Variants in SMIM36 observed in about 807,000 individuals in gnomAD.
SMIM36 encodes the protein small integral membrane protein 36.
intron 1 of SMIM36, among the ~76,000 whole-genome samples, chr17:55,489,980 C>A (rs1909674721): frequency 6.6e-6 from 1 of 151,938 alleles, no homozygotes; most frequent in South Asian, 2.1e-4. Flanking sequence ...TCCTGAGTGG[C>A]TGTGACTATA....
chr17:55,497,229 A>C (rs1567869607), intron 1 of SMIM36, among the ~76,000 whole-genome samples: 1 of 151,766 alleles, frequency 6.6e-6, no homozygotes, highest in Non-Finnish European at 1.5e-5. Context: ...TCTACTAAGG[A>C]TTTTTTCTTC....
chr17:55,522,519 G>T, the SMIM36 span, among the ~76,000 whole-genome samples: 4 of 152,318 alleles, frequency 2.6e-5, no homozygotes, highest in Middle Eastern at 3.4e-3. Flanking sequence ...GCAGGCAAGA[G>T]AGTTTGTGCA....
intron 1 of SMIM36, among the ~76,000 whole-genome samples, chr17:55,495,877 TAA>T (rs1909798278): frequency 6.6e-6 from 1 of 152,146 alleles, no homozygotes; most frequent in Non-Finnish European, 1.5e-5. Flanking sequence ...AGATGTAGAT[TAA>T]ATACAGAGAA....
At chr17:55,505,023 C>A in intron 1 of SMIM36, among the ~76,000 whole-genome samples, 1 of 91,458 alleles carries the variant, frequency 1.1e-5, no homozygotes, top group African/African-American at 5.4e-5. Flanking sequence ...AAGACTAAAC[C>A]AGGAAGAAGT....
chr17:55,474,439 C>A (rs1788950593), intron 3 of SMIM36, among the ~76,000 whole-genome samples: 1 of 152,164 alleles, frequency 6.6e-6, no homozygotes, highest in Non-Finnish European at 1.5e-5. Context: ...CGTGGAGGAT[C>A]AATGCAGTGG....
At chr17:55,515,207 C>T (rs1567874139), upstream of SMIM36, among the ~76,000 whole-genome samples, 1 of 137,212 alleles carries the variant, frequency 7.3e-6, no homozygotes, top group African/African-American at 2.6e-5. Context: ...ATGAACAAAA[C>T]CAAATGCTAG....
At chr17:55,470,523 C>T (rs1176789687) in intron 3 of SMIM36, among the ~76,000 whole-genome samples, 1 of 152,132 alleles carries the variant, frequency 6.6e-6, no homozygotes, top group Non-Finnish European at 1.5e-5. Context: ...TAAAACTCCC[C>T]AACTCTGGTG....
chr17:55,525,571 C>T, the SMIM36 span, among the ~76,000 whole-genome samples: 2 of 152,172 alleles, frequency 1.3e-5, no homozygotes, highest in Admixed American at 1.3e-4. Flanking sequence ...TTTTGTGTTG[C>T]ATCTTCAAAA....
intron 1 of SMIM36, among the ~76,000 whole-genome samples, chr17:55,500,415 G>A (rs1909887601): frequency 6.6e-6 from 1 of 151,982 alleles, no homozygotes; most frequent in Non-Finnish European, 1.5e-5. Context: ...ATGAGTCACT[G>A]CTCCTGGTCT....
At chr17:55,450,231 A>T (rs1187308662) in exon 5 of SMIM36, 2 of 152,180 alleles carry the variant, frequency 1.3e-5, no homozygotes, top group Non-Finnish European at 2.9e-5. Context: ...GGCAAGCAAT[A>T]GATTTTCTCC....
At chr17:55,457,708 G>T (rs1053808875) in intron 4 of SMIM36, among the ~76,000 whole-genome samples, 34 of 151,800 alleles carry the variant, frequency 2.2e-4, no homozygotes, top group African/African-American at 8.2e-4. Flanking sequence ...TGTATTTTTA[G>T]TAGAGACGGG....
intron 1 of SMIM36, among the ~76,000 whole-genome samples, chr17:55,493,500 G>A (rs1469200524): frequency 6.6e-6 from 1 of 152,106 alleles, no homozygotes. Flanking sequence ...GTTCAGTAAA[G>A]GCACCTCCGC....
intron 1 of SMIM36, among the ~76,000 whole-genome samples, chr17:55,507,704 T>C (rs1452433824): frequency 2.8e-5 from 4 of 144,592 alleles, no homozygotes; most frequent in Non-Finnish European, 6.0e-5. Context: ...AATGTGCACA[T>C]GTACCCTAAA....
At chr17:55,511,574 CAG>C, upstream of SMIM36, 1 of 300,090 alleles carries the variant, frequency 3.3e-6, no homozygotes, top group Non-Finnish European at 6.1e-6. Context: ...TTCGCCTACA[CAG>C]AGAGAGAAAG....
At chr17:55,498,340 T>A (rs1040103228) in intron 1 of SMIM36, among the ~76,000 whole-genome samples, 4 of 152,130 alleles carry the variant, frequency 2.6e-5, no homozygotes, top group Non-Finnish European at 5.9e-5. Flanking sequence ...TAACAGACAC[T>A]ACGTTTTCTT....
At chr17:55,457,025 TA>T (rs1332274516) in intron 4 of SMIM36, among the ~76,000 whole-genome samples, 5 of 152,236 alleles carry the variant, frequency 3.3e-5, no homozygotes, top group Admixed American at 1.3e-4. Flanking sequence ...GGTAAGCAGT[TA>T]TAATGTAATG....
chr17:55,451,905 T>C lies in SMIM36; in HGVS notation c.*532-1607A>G, dbSNP rs573204151. Among the ~76,000 whole-genome samples the C allele has an allele frequency of 2.1e-4, 32 of 152,148 alleles. No homozygotes were observed. In the East Asian group the frequency reaches 4.6e-3, roughly 22 times the overall value. ...TGAGGCCAGGAGTTCGAGACCAGTC[T>C]GGGCAGCATAGTGAGACCTTGTCGC... On this transcript the variant is annotated intron_variant, in intron 4 of 4. Transcript: ENST00000636752.
At chr17:55,474,246 C>T (rs1054442245) in intron 3 of SMIM36, among the ~76,000 whole-genome samples, 1 of 152,170 alleles carries the variant, frequency 6.6e-6, no homozygotes, top group Non-Finnish European at 1.5e-5. Flanking sequence ...TCTTGGTTCC[C>T]TGATTGGGAA....
At chr17:55,514,513 G>T (rs150836715), upstream of SMIM36, among the ~76,000 whole-genome samples, 1 of 152,208 alleles carries the variant, frequency 6.6e-6, no homozygotes, top group Non-Finnish European at 1.5e-5. Flanking sequence ...GAAGCTTAAA[G>T]AGGCAGTGGA....
Sources: allele counts gnomAD v4.1 joint callset (sites outside exome capture counted in the v4.1 genomes callset), GRCh38; gene constraint gnomAD v4.1.1; transcripts MANE v1.5; gene names NCBI Gene and HGNC (gene_info 2026-07-23, HGNC 2026-07-21).